Variants in TNFRSF4 observed in about 807,000 individuals in gnomAD.
The protein encoded by TNFRSF4 is tumor necrosis factor receptor superfamily member 4.
In TNFRSF4, 21 loss-of-function variants were observed where a neutral mutation model predicts 29.5. That is an observed-to-expected ratio of 0.71 (90% CI 0.51 to 1.03). TNFRSF4 has a LOEUF of 1.03. Among genes scored for constraint, TNFRSF4 ranks in the 50% least tolerant of loss-of-function variants. The pLI is 0.00. For synonymous variants in TNFRSF4, 197 were observed against 172.7 expected (o/e 1.14, Z -1.10); for missense variants, 408 against 387.8 (o/e 1.05, Z -0.44).
At position 1,212,670 on chromosome 1, in the gene TNFRSF4, TG is replaced by T; in HGVS notation, c.404del (p.Pro135GlnfsTer?). 6.7e-7 allele frequency: 1 copy of T among 1,496,072 alleles called. No individual in the cohort carries two copies. The allele number at this position is 1,496,072 out of a possible 1,614,324, so 92.7% of individuals were successfully genotyped here. On this transcript the variant is annotated frameshift_variant, in exon 4 of 7. Coordinates refer to ENST00000379236, the MANE Select transcript of TNFRSF4 (RefSeq NM_003327.4). LOFTEE classifies it high-confidence loss of function. ...AGGGCTTGCAGGCCTGGTTGTCGCCTGGGGAGAAGTGCCCTGGAGGGCAGGG... is the reference window on the plus strand; with the variant it reads ...AGGGCTTGCAGGCCTGGTTGTCGCCTGGGAGAAGTGCCCTGGAGGGCAGGG... The part of the protein sequence containing the change: ...CAPCPPGHFS[P>X]GDNQACKPWT...
intron 1 of TNFRSF4, 94 bp downstream of exon 1, chr1:1,213,889 C>G: frequency 7.0e-7 from 1 of 1,433,700 alleles, no homozygotes; most frequent in Non-Finnish European, 9.2e-7. Context: ...CTCACCCGCC[C>G]CCTCCCCAGG....
rs1192554455 is a variant in TNFRSF4, at chr1:1,213,492, C to A, written c.268+171G>T. The stretch of plus-strand genomic sequence containing the variant: ...GGGCCCCCGGAGGGAGAGGGGGTGC[C>A]CCTGGGAGACGCCTCAGCTCCTCGA... On this transcript the variant is annotated intron_variant, in intron 2 of 6. Transcript: ENST00000379236. 2.7e-6 allele frequency: 4 copies of A among 1,468,900 alleles called. No homozygotes were observed. In the East Asian group the frequency reaches 7.5e-5, roughly 27 times the overall value. 91.0% of individuals were successfully genotyped at this position (1,468,900 alleles called of 1,614,324 possible).
At position 1,213,779 on chromosome 1, in the gene TNFRSF4, C is replaced by T. The variant is rs926489272; in HGVS notation, c.152G>A (p.Gly51Glu). Residue 51 changes from glycine (G) to glutamate (E), a missense_variant, in exon 2 of 7, where the codon GGG (glycine) becomes GAG (glutamate). Coordinates refer to ENST00000379236, the MANE Select transcript of TNFRSF4 (RefSeq NM_003327.4). ...RCCHECRPGN[G>E]MVSRCSRSQN... ...GGAGCGGCTGCAGCGGCTCACCATC[C>T]CGTTGCCTGCAGCAGAGGCCGGCGT... 1.9e-6 allele frequency: 3 copies of T among 1,598,504 alleles called. No individual in the cohort carries two copies. The highest frequency in any genetic ancestry group is 1.7e-6 in the Non-Finnish European group (2 of 1,174,562).
At position 1,211,425 on chromosome 1, in the gene TNFRSF4, G is replaced by A. The variant is rs980020971; in HGVS notation, c.*130C>T. ...AAGCAGAGAGCCGGAGGCAGCCATC[G>A]GCACCTAGAACGGTGCAGAGTTGGC... is the stretch of plus-strand genomic sequence containing the variant. On this transcript the variant is annotated 3_prime_UTR_variant, in exon 7 of 7. Coordinates refer to ENST00000379236, the MANE Select transcript of TNFRSF4 (RefSeq NM_003327.4). 15 of 880,748 alleles carry A rather than the reference G, an allele frequency of 1.7e-5. No individual in the cohort carries two copies. Among genetic ancestry groups the A allele is most frequent in the East Asian group, 1.6e-4 (5 of 31,536 alleles). 54.6% of individuals were successfully genotyped at this position (880,748 alleles called of 1,614,324 possible).
intron 1 of TNFRSF4, 67 bp from the exon 2 acceptor site, chr1:1,213,852 G>T: frequency 6.6e-7 from 1 of 1,506,536 alleles, no homozygotes; most frequent in South Asian, 1.3e-5. Flanking sequence ...CCCCCCAGGC[G>T]GCTCCTCTGC....
At chr1:1,213,365 G>C in intron 2 of TNFRSF4, 1 of 1,530,862 alleles carries the variant, frequency 6.5e-7, no homozygotes, top group Non-Finnish European at 8.7e-7. Flanking sequence ...CCTGCGGCAG[G>C]GTCTCCATGG....
chr1:1,213,286 T>C, intron 2 of TNFRSF4, 193 bp from the exon 3 acceptor site: 1 of 1,530,316 alleles, frequency 6.5e-7, no homozygotes, highest in Non-Finnish European at 8.7e-7. Flanking sequence ...GGCCACAACC[T>C]GGGGCTGGTT....
In TNFRSF4 at chr1:1,211,366, G is replaced by T; in HGVS notation, c.*189C>A. On this transcript the variant is annotated 3_prime_UTR_variant, in exon 7 of 7. Transcript: ENST00000379236. ...CCCGTCTGCCAAGGTTTTTATTGTGGTCCCGCGGGGCAGGAGGTATGCATG... is the reference window on the plus strand; with the variant it reads ...CCCGTCTGCCAAGGTTTTTATTGTGTTCCCGCGGGGCAGGAGGTATGCATG... 2.0e-6 allele frequency: 1 copy of T among 495,486 alleles called. No individual in the cohort carries two copies. The highest frequency in any genetic ancestry group is 2.0e-5 in the African/African-American group (1 of 49,692). 30.7% of individuals were successfully genotyped at this position (495,486 alleles called of 1,614,324 possible).
Position 1,211,521 on chromosome 1 carries a change from G to C in TNFRSF4, c.*34C>G. 2.8e-5 allele frequency: 41 copies of C among 1,479,040 alleles called. No homozygotes were observed. The highest frequency in any genetic ancestry group is 3.7e-5 in the Non-Finnish European group (41 of 1,117,296). 91.6% of individuals were successfully genotyped at this position (1,479,040 alleles called of 1,614,324 possible). On this transcript the variant is annotated 3_prime_UTR_variant, in exon 7 of 7. Transcript: ENST00000379236. ...CAGCAGACCCTCCGGGCTCCAGCCT[G>C]GCGGGGCCCAGCGTCCACCTTGGTG... is the stretch of plus-strand genomic sequence containing the variant.
intron 4 of TNFRSF4, 37 bp downstream of exon 4, chr1:1,212,601 C>CA (rs1281036531): frequency 4.4e-6 from 6 of 1,358,860 alleles, no homozygotes; most frequent in African/African-American, 1.5e-5. Flanking sequence ...CCCCAACCCC[C>CA]CCCCAGCCCC....
chr1:1,213,735 G>T lies in TNFRSF4; in HGVS notation c.196C>A (p.Pro66Thr). 6.2e-7 allele frequency: 1 copy of T among 1,603,028 alleles called. No homozygotes were observed. The highest frequency in any genetic ancestry group is 1.1e-5 in the South Asian group (1 of 89,086). The change falls in exon 2 of 7, where the codon CCG becomes ACG. Residue 66 changes from proline to threonine, a missense_variant. Pro to Thr is a conservative substitution (Grantham distance 38, BLOSUM62 -1). Coordinates refer to ENST00000379236, the MANE Select transcript of TNFRSF4 (RefSeq NM_003327.4). ...TCGTTGTAGAAGCCCGGCCCGCACG[G>T]ACGGCACACCGTGTTCTGGGAGCGG... ...CSRSQNTVCRPCGPGFYNDVV... is the reference protein window; with the variant it reads ...CSRSQNTVCRTCGPGFYNDVV...
Position 1,213,078 on chromosome 1 carries a change from C to T in TNFRSF4, c.284G>A (p.Arg95Gln), listed in dbSNP as rs552133296. The change falls in exon 3 of 7, where the codon CGG (arginine) becomes CAG (glutamine). Residue 95 changes from arginine (R) to glutamine (Q), a missense_variant. By Grantham distance (43) the Arg-to-Gln change is conservative. Transcript: ENST00000379236. ...TWCNLRSGSERKQLCTATQDT... is the reference protein window; with the variant it reads ...TWCNLRSGSEQKQLCTATQDT... ...CTGTGTGGCCGTGCACAGCTGCTTC[C>T]GCTCACTCCCACTTCCTGAGCAGGG... 9.3e-6 allele frequency: 15 copies of T among 1,610,078 alleles called. No homozygotes were observed. Among genetic ancestry groups the T allele is most frequent in the East Asian group, 4.5e-5 (2 of 44,852 alleles).
intron 2 of TNFRSF4, 131 bp from the exon 3 acceptor site, chr1:1,213,224 C>G (rs1158481685): frequency 2.6e-6 from 4 of 1,534,866 alleles, no homozygotes; most frequent in Non-Finnish European, 3.5e-6. Flanking sequence ...TGCGGCCTCC[C>G]CTGAGACTTG....
In TNFRSF4 at chr1:1,213,802, C is replaced by T. The variant is rs975958452; in HGVS notation, c.146-17G>A. On this transcript the variant is annotated splice_polypyrimidine_tract_variant and intron_variant, in intron 1 of 6. Coordinates refer to ENST00000379236, the MANE Select transcript of TNFRSF4 (RefSeq NM_003327.4). ...TCCCGTTGCCTGCAGCAGAGGCCGG[C>T]GTCAGGCAGCGGTCAGGCCCCAGGC... is the stretch of plus-strand genomic sequence containing the variant. The T allele has an allele frequency of 1.0e-5, 16 of 1,583,750 alleles. No individual in the cohort carries two copies. Among genetic ancestry groups the T allele is most frequent in the Non-Finnish European group, 1.4e-5 (16 of 1,168,056 alleles).
chr1:1,213,711 CGTT>C lies in TNFRSF4; in HGVS notation c.217_219del (p.Asn73del), dbSNP rs766426638. On this transcript the variant is annotated inframe_deletion, in exon 2 of 7. Coordinates refer to ENST00000379236, the MANE Select transcript of TNFRSF4 (RefSeq NM_003327.4). ...TTGCACGGCTTGGAGCTGACCACGT[CGTT>C]GTAGAAGCCCGGCCCGCACGGACGG... 1 of 1,599,232 alleles carries C rather than the reference CGTT, an allele frequency of 6.3e-7. No homozygotes were observed. The highest frequency in any genetic ancestry group is 8.5e-7 in the Non-Finnish European group (1 of 1,174,122).
chr1:1,213,116 G>T, intron 2 of TNFRSF4, 23 bp from the exon 3 acceptor site: 1 of 1,594,268 alleles, frequency 6.3e-7, no homozygotes, highest in East Asian at 2.3e-5. Context: ...CGGATGGGGG[G>T]GTGGTCAGGT....
In TNFRSF4 at chr1:1,213,677, G is replaced by T; in HGVS notation, c.254C>A (p.Thr85Lys). ...TGGGAGCTCACTGAGGTTACACCAC[G>T]TGCAGGGCTTGCACGGCTTGGAGCT... ...VVSSKPCKPC[T>K]WCNLRSGSER... The change falls in exon 2 of 7, where the codon ACG (threonine) becomes AAG (lysine). Residue 85 changes from threonine to lysine, a missense_variant. Transcript: ENST00000379236. 2 of 1,593,576 alleles carry T rather than the reference G, an allele frequency of 1.3e-6. No homozygotes were observed. The highest frequency in any genetic ancestry group is 1.7e-6 in the Non-Finnish European group (2 of 1,171,032).
At position 1,212,913 on chromosome 1, in the gene TNFRSF4, C is replaced by A. The variant is rs796887398; in HGVS notation, c.370+79G>T. On this transcript the variant is annotated intron_variant, in intron 3 of 6. Coordinates refer to ENST00000379236, the MANE Select transcript of TNFRSF4 (RefSeq NM_003327.4). ...GAGGAGGCACCGGTGGGGCCAGGTCCCTGCGGCCCACGGCCCATCTGCGTC... is the reference window on the plus strand; with the variant it reads ...GAGGAGGCACCGGTGGGGCCAGGTCACTGCGGCCCACGGCCCATCTGCGTC... 2.1e-5 allele frequency: 31 copies of A among 1,449,592 alleles called. No individual in the cohort carries two copies. The African/African-American group carries it at 4.2e-4, about 20-fold the overall frequency. 89.8% of individuals were successfully genotyped at this position (1,449,592 alleles called of 1,614,324 possible).
At position 1,212,085 on chromosome 1, in the gene TNFRSF4, G is replaced by A; in HGVS notation, c.491C>T (p.Ala164Val). 2.5e-6 allele frequency: 4 copies of A among 1,612,540 alleles called. No homozygotes were observed. The highest frequency in any genetic ancestry group is 3.4e-6 in the Non-Finnish European group (4 of 1,179,704). Residue 164 changes from alanine to valine, a missense_variant, in exon 5 of 7, where the codon GCA becomes GTA. By Grantham distance (64) the Ala-to-Val change is moderately conservative (BLOSUM62 0). Coordinates refer to ENST00000379236, the MANE Select transcript of TNFRSF4 (RefSeq NM_003327.4). ...TLQPASNSSD[A>V]ICEDRDPPAT... ...TGGGGGGTCCCTGTCCTCACAGATTGCGTCCGAGCTATTGCTGGCCGGCTG... is the reference window on the plus strand; with the variant it reads ...TGGGGGGTCCCTGTCCTCACAGATTACGTCCGAGCTATTGCTGGCCGGCTG...
Sources: gnomAD v4.1 joint callset for allele counts on GRCh38, gnomAD v4.1.1 for gene constraint, MANE v1.5 for transcripts, NCBI Gene and HGNC (gene_info 2026-07-23, HGNC 2026-07-21) for gene names.